ACAP2: variants seen among roughly 807,000 people sequenced by gnomAD.
ACAP2 encodes the protein arf-GAP with coiled-coil, ANK repeat and PH domain-containing protein 2.
A neutral mutation model predicts 115.8 loss-of-function variants in ACAP2; 39 were observed. That is an observed-to-expected ratio of 0.34 (90% CI 0.26 to 0.44). The LOEUF (loss-of-function observed/expected upper bound fraction) is 0.44, where lower values mean the gene tolerates loss of function less well. Ranked by LOEUF, ACAP2 falls within the 20% of genes least tolerant of loss-of-function variation. The pLI is 1.00. For missense variants in ACAP2, 662 were observed against 927.6 expected, an observed-to-expected ratio of 0.71 and a Z score of 3.72; for synonymous variants, 289 against 315.8, an observed-to-expected ratio of 0.92 and a Z score of 0.90.
At chr3:195,316,712 T>G (rs1176390206) in intron 10 of ACAP2, among the ~76,000 whole-genome samples, 2 of 151,996 alleles carry the variant, frequency 1.3e-5, no homozygotes, top group Non-Finnish European at 2.9e-5. Context: ...GTATTATTTT[T>G]AAAGCTCTCT....
intron 22 of ACAP2, 75 bp from the exon 23 acceptor site, chr3:195,279,503 G>C: frequency 1.1e-6 from 1 of 910,554 alleles, no homozygotes; most frequent in East Asian, 3.1e-5. Flanking sequence ...TTTATTACTA[G>C]TACTATTTTA....
At chr3:195,286,840 C>T (rs1426836091) in intron 21 of ACAP2, among the ~76,000 whole-genome samples, 4 of 152,234 alleles carry the variant, frequency 2.6e-5, no homozygotes, top group African/African-American at 7.2e-5. Flanking sequence ...GGGTCCACTG[C>T]TATATAGGTA....
At chr3:195,287,516 C>A (rs1423018959) in intron 21 of ACAP2, among the ~76,000 whole-genome samples, 2 of 151,990 alleles carry the variant, frequency 1.3e-5, no homozygotes, top group Non-Finnish European at 2.9e-5. Flanking sequence ...CAGGGCCTCG[C>A]TATGTTGCCC....
At chr3:195,347,963 G>A (rs989317073) in intron 4 of ACAP2, among the ~76,000 whole-genome samples, 1 of 151,650 alleles carries the variant, frequency 6.6e-6, no homozygotes, top group Non-Finnish European at 1.5e-5. Context: ...AGTGAGCTGT[G>A]ATCACGCCAC....
At chr3:195,292,243 A>T in intron 19 of ACAP2, 22 bp downstream of exon 19, 1 of 1,538,230 alleles carries the variant, frequency 6.5e-7, no homozygotes, top group Non-Finnish European at 8.7e-7. Flanking sequence ...GCTACTGAAA[A>T]TGTCATTGTA....
chr3:195,333,648 AGACTAT>A (rs1402786700), intron 7 of ACAP2, among the ~76,000 whole-genome samples: 2 of 152,254 alleles, frequency 1.3e-5, no homozygotes, highest in African/African-American at 4.8e-5. Flanking sequence ...TTAGTTGTTT[AGACTAT>A]ATCTAGGTGA....
chr3:195,394,453 T>G (rs1432965662), intron 1 of ACAP2, among the ~76,000 whole-genome samples: 1 of 152,242 alleles, frequency 6.6e-6, no homozygotes. Flanking sequence ...GATAAACTTT[T>G]TGTAACTTCT....
intron 4 of ACAP2, among the ~76,000 whole-genome samples, chr3:195,378,516 A>AAAC (rs1553862260): frequency 1.4e-5 from 2 of 141,122 alleles, no homozygotes; most frequent in Admixed American, 1.5e-4. Context: ...ACAAACAAAC[A>AAAC]AAAAAAAACA....
At chr3:195,305,038 T>G (rs1195382915) in intron 13 of ACAP2, among the ~76,000 whole-genome samples, 2 of 152,226 alleles carry the variant, frequency 1.3e-5, no homozygotes, top group Non-Finnish European at 2.9e-5. Flanking sequence ...AAGCTCCCTG[T>G]GTGGTGACAT....
intron 4 of ACAP2, among the ~76,000 whole-genome samples, chr3:195,351,488 C>T (rs1452217709): frequency 2.4e-3 from 295 of 124,104 alleles, no homozygotes; most frequent in African/African-American, 8.7e-3. Context: ...GTGTGTGTGA[C>T]GGAGTCTTGC....
chr3:195,434,598 T>C (rs1322306178), intron 1 of ACAP2, among the ~76,000 whole-genome samples: 1 of 152,224 alleles, frequency 6.6e-6, no homozygotes, highest in African/African-American at 2.4e-5. Context: ...AATGGACTAA[T>C]GATTAGGAAT....
chr3:195,348,334 T>A (rs957995774), intron 4 of ACAP2, among the ~76,000 whole-genome samples: 1 of 150,530 alleles, frequency 6.6e-6, no homozygotes, highest in Non-Finnish European at 1.5e-5. Flanking sequence ...GAAAATACAT[T>A]AAAAATTAAA....
chr3:195,354,725 T>A (rs1434237556), intron 4 of ACAP2, among the ~76,000 whole-genome samples: 1 of 152,226 alleles, frequency 6.6e-6, no homozygotes, highest in Non-Finnish European at 1.5e-5. Context: ...CTTAGCAACT[T>A]CATCGTGAAC....
At chr3:195,332,724 G>A (rs528929038) in intron 8 of ACAP2, among the ~76,000 whole-genome samples, 2 of 152,230 alleles carry the variant, frequency 1.3e-5, no homozygotes, top group South Asian at 2.1e-4. Context: ...GAGCTCTCAC[G>A]AGATCTGATG....
chr3:195,297,465 C>A (rs1280414683), intron 15 of ACAP2, among the ~76,000 whole-genome samples, 184 bp from the exon 16 acceptor site: 1 of 152,156 alleles, frequency 6.6e-6, no homozygotes, highest in Admixed American at 6.5e-5. Context: ...AATATTATCA[C>A]CTTGCTGTTC....
rs1296656483 is a variant in ACAP2 at position 195,275,922 on chromosome 3, G to A, written c.*3406C>T. 1 of 152,610 alleles carries A rather than the reference G, an allele frequency of 6.6e-6. No homozygotes were observed. The highest frequency in any genetic ancestry group is 6.5e-5 in the Admixed American group (1 of 15,280). 9.5% of individuals were successfully genotyped at this position (152,610 alleles called of 1,614,324 possible). A position where few individuals can be genotyped will look rare whatever the true frequency, so the allele number is the denominator to read the frequency against. On this transcript the variant is annotated 3_prime_UTR_variant, in exon 23 of 23. Transcript: ENST00000326793. ...AAAGGGTAGTGACGACTAGTCCAGT[G>A]CTCCTTCCACCGTATCATGCGGTTC... is the stretch of plus-strand genomic sequence containing the variant.
At chr3:195,410,955 C>T (rs1223046940) in intron 1 of ACAP2, 1 of 366,764 alleles carries the variant, frequency 2.7e-6, no homozygotes, top group Non-Finnish European at 5.5e-6. Context: ...GATAGCTGGC[C>T]CTCACCAGAC....
intron 2 of ACAP2, among the ~76,000 whole-genome samples, chr3:195,385,397 A>C (rs1280183057): frequency 6.6e-6 from 1 of 151,822 alleles, no homozygotes; most frequent in Non-Finnish European, 1.5e-5. Flanking sequence ...GTAAAAAAAA[A>C]AAAAAAAATC....
chr3:195,281,348 T>C (rs1304237674), intron 22 of ACAP2, among the ~76,000 whole-genome samples: 1 of 151,754 alleles, frequency 6.6e-6, no homozygotes, highest in Non-Finnish European at 1.5e-5. Flanking sequence ...GAGCTTGCAG[T>C]GAGCCAAGAT....
Sources: gnomAD v4.1 joint callset for allele counts (sites outside exome capture counted in the v4.1 genomes callset) on GRCh38, gnomAD v4.1.1 for gene constraint, MANE v1.5 for transcripts, NCBI Gene and HGNC (gene_info 2026-07-23, HGNC 2026-07-21) for gene names.